PPP1R16A: variants seen among roughly 807,000 people sequenced by gnomAD.
The protein encoded by PPP1R16A is myosin phosphatase-targeting subunit 3.
Under a neutral mutation model 46.6 loss-of-function variants are expected in PPP1R16A, and 39 were observed. The ratio of observed to expected loss-of-function variants is 0.84; its 90% confidence interval spans 0.65 to 1.09. PPP1R16A has a LOEUF of 1.09. Ranked by LOEUF, PPP1R16A falls within the 50% of genes least tolerant of loss-of-function variation. The pLI, the probability that PPP1R16A is intolerant of heterozygous loss-of-function variation, is 0.00. For synonymous variants in PPP1R16A, 413 were observed against 321.5 expected (o/e 1.28, Z -3.04); for missense variants, 798 against 735.6 (o/e 1.08, Z -0.98).
At chr8:144,494,497 A>G (rs1004225185) in intron 2 of PPP1R16A, among the ~76,000 whole-genome samples, 2 of 149,932 alleles carry the variant, frequency 1.3e-5, no homozygotes, top group Admixed American at 6.6e-5. Flanking sequence ...CTGTAGAGAC[A>G]GGGTCTTACC....
intron 1 of PPP1R16A, among the ~76,000 whole-genome samples, chr8:144,489,070 GGC>G (rs748315275): frequency 6.6e-6 from 1 of 150,706 alleles, no homozygotes; most frequent in East Asian, 2.0e-4. Context: ...CGGGTGTTGT[GGC>G]ACACACCTAT....
At chr8:144,499,537 A>C in intron 5 of PPP1R16A, 1 of 186,386 alleles carries the variant, frequency 5.4e-6, no homozygotes, top group Admixed American at 5.5e-5. Context: ...AGTGGGAGAG[A>C]GGTCAGGGCT....
At chr8:144,479,620 G>A (rs1217901738) in intron 1 of PPP1R16A, among the ~76,000 whole-genome samples, 1 of 152,162 alleles carries the variant, frequency 6.6e-6, no homozygotes, top group East Asian at 1.9e-4. Flanking sequence ...ATGAACAGCC[G>A]ATTGATACAG....
At chr8:144,494,653 G>T (rs1243005817) in intron 2 of PPP1R16A, among the ~76,000 whole-genome samples, 2 of 152,164 alleles carry the variant, frequency 1.3e-5, no homozygotes. Flanking sequence ...GGATGGGCAA[G>T]GGCAGCCTGC....
chr8:144,492,285 G>A (rs908370939), intron 2 of PPP1R16A, among the ~76,000 whole-genome samples: 1 of 152,164 alleles, frequency 6.6e-6, no homozygotes, highest in African/African-American at 2.4e-5. Context: ...ACCTGCTCTG[G>A]GGGTTTTAGT....
intron 1 of PPP1R16A, among the ~76,000 whole-genome samples, chr8:144,479,752 A>G (rs1257144041): frequency 6.6e-6 from 1 of 152,060 alleles, no homozygotes; most frequent in Non-Finnish European, 1.5e-5. Context: ...TGCCACATCT[A>G]TCCATTGGCC....
In PPP1R16A at chr8:144,497,141, C is replaced by CCAAG. The variant is rs1457132833; in HGVS notation, c.-52_-49dup. 1.2e-5 allele frequency: 18 copies of CCAAG among 1,537,168 alleles called. No individual in the cohort carries two copies. In the East Asian group the frequency reaches 4.2e-4, roughly 36 times the overall value. On this transcript the variant is annotated 5_prime_UTR_variant, in exon 3 of 12. Transcript: ENST00000435887. ...CCACCCCTCAGGCCCAGCCTGGCCC[C>CCAAG]CAAGCTCCCCACTCTGGTGCCCCGA...
At position 144,500,167 on chromosome 8, in the gene PPP1R16A, T is replaced by C; in HGVS notation, c.548T>C (p.Leu183Pro). Residue 183 changes from leucine (L) to proline (P), a missense_variant, in exon 6 of 12, where the codon CTG becomes CCG. Transcript: ENST00000435887. ...PYDLCDDEQT[L>P]DCLETAMADR... ...GACCTGTGTGATGATGAGCAGACGC[T>C]GGACTGCCTGGAGACTGCCATGGCC... is the stretch of plus-strand genomic sequence containing the variant. The C allele has an allele frequency of 6.2e-7, 1 of 1,611,532 alleles. No homozygotes were observed. The highest frequency in any genetic ancestry group is 8.5e-7 in the Non-Finnish European group (1 of 1,179,048).
At chr8:144,487,481 C>T (rs1825662356) in intron 1 of PPP1R16A, among the ~76,000 whole-genome samples, 1 of 152,106 alleles carries the variant, frequency 6.6e-6, no homozygotes, top group African/African-American at 2.4e-5. Flanking sequence ...GTGATCTTCC[C>T]ACCTCAGCCT....
rs1371740804 is a variant in PPP1R16A, at chr8:144,501,590, C to T, written c.1274C>T (p.Ser425Phe). Residue 425 changes from serine (S) to phenylalanine (F), a missense_variant, in exon 12 of 12, where the codon TCC becomes TTC. Transcript: ENST00000435887. ...GGCTCCCCAGTGCGGCATCTATACT[C>T]CAAGCGACTAGACCGGAGTGTCTCC... ...VGGSPVRHLY[S>F]KRLDRSVSYQ... 1.2e-6 allele frequency: 2 copies of T among 1,605,494 alleles called. No individual in the cohort carries two copies. The highest frequency in any genetic ancestry group is 1.7e-6 in the Non-Finnish European group (2 of 1,176,708).
rs2130080725 is a variant in PPP1R16A, at chr8:144,478,100, T to C, written c.-941T>C. 1 of 395,264 alleles carries C rather than the reference T, an allele frequency of 2.5e-6. No individual in the cohort carries two copies. The highest frequency in any genetic ancestry group is 4.5e-6 in the Non-Finnish European group (1 of 223,934). 24.5% of individuals were successfully genotyped at this position (395,264 alleles called of 1,614,324 possible). A position where few individuals can be genotyped will look rare whatever the true frequency, so the allele number is the denominator to read the frequency against. ...GACCCGCGGAAGCCAGCGGACCCAC[T>C]TGTGCGGCGGTCGGCGCGGGGCGCG... On this transcript the variant is annotated 5_prime_UTR_variant, in exon 1 of 12. Transcript: ENST00000435887.
At position 144,501,787 on chromosome 8, in the gene PPP1R16A, G is replaced by T; in HGVS notation, c.1471G>T (p.Val491Leu). The change falls in exon 12 of 12, where the codon GTG (valine) becomes TTG (leucine). Residue 491 changes from valine (V) to leucine (L), a missense_variant. By Grantham distance (32) the Val-to-Leu change is conservative. Coordinates refer to ENST00000435887, the MANE Select transcript of PPP1R16A (RefSeq NM_001329443.2). ...TGAGCCTGGCCTGCCTGGTGACACG[G>T]TGACCCCCCAGCCTGACTGTGGCTT... ...TAEPGLPGDT[V>L]TPQPDCGFRA... 7 of 1,560,242 alleles carry T rather than the reference G, an allele frequency of 4.5e-6. No homozygotes were observed. Among genetic ancestry groups the T allele is most frequent in the Non-Finnish European group, 5.2e-6 (6 of 1,153,220 alleles).
At position 144,497,185 on chromosome 8, in the gene PPP1R16A, A is replaced by AGCC; in HGVS notation, c.-3_-1dup. On this transcript the variant is annotated 5_prime_UTR_variant, in exon 3 of 12. Coordinates refer to ENST00000435887, the MANE Select transcript of PPP1R16A (RefSeq NM_001329443.2). ...GCCCCGAGCAGCCCTGTGGGCAAGC[A>AGCC]GCCGCCGCCATGGCCGAGCACCTGG... The AGCC allele has an allele frequency of 6.4e-7, 1 of 1,551,616 alleles. No homozygotes were observed. The highest frequency in any genetic ancestry group is 8.7e-7 in the Non-Finnish European group (1 of 1,150,664).
At chr8:144,492,419 T>A (rs964264083) in intron 2 of PPP1R16A, among the ~76,000 whole-genome samples, 3 of 149,406 alleles carry the variant, frequency 2.0e-5, no homozygotes, top group Non-Finnish European at 4.4e-5. Context: ...CAGTGCAAGC[T>A]CCGCCTCCTG....
chr8:144,498,917 G>A lies in PPP1R16A; in HGVS notation c.332G>A (p.Cys111Tyr). Residue 111 changes from cysteine to tyrosine, a missense_variant and splice_region_variant, in exon 5 of 12, where the codon TGC (cysteine) becomes TAC (tyrosine). Cys to Tyr is a radical substitution (Grantham distance 194, BLOSUM62 -2). Coordinates refer to ENST00000435887, the MANE Select transcript of PPP1R16A (RefSeq NM_001329443.2). ...TCGCTCACGTGGCACGGTTTGCAGT[G>A]CTGCATTGATGATTTCCGAGAGATG... The part of the protein sequence containing the change: ...NEDGLTALHQ[C>Y]CIDDFREMVQ... The A allele has an allele frequency of 6.2e-7, 1 of 1,612,872 alleles. No homozygotes were observed. Among genetic ancestry groups the A allele is most frequent in the South Asian group, 1.1e-5 (1 of 91,090 alleles).
chr8:144,499,878 C>T (rs1826320897), intron 5 of PPP1R16A: 9 of 557,452 alleles, frequency 1.6e-5, no homozygotes, highest in Non-Finnish European at 2.9e-5. Context: ...AACCTGGATC[C>T]CTGGATGGAT....
chr8:144,479,304 C>G (rs541939607), intron 1 of PPP1R16A: 6 of 152,452 alleles, frequency 3.9e-5, no homozygotes, highest in Admixed American at 3.3e-4. Flanking sequence ...GTGGTGGACG[C>G]TCAGAGCTCT....
intron 1 of PPP1R16A, among the ~76,000 whole-genome samples, chr8:144,480,759 C>G (rs950697782): frequency 6.6e-6 from 1 of 152,210 alleles, no homozygotes; most frequent in Non-Finnish European, 1.5e-5. Context: ...GCGGGGATTA[C>G]AGGCGTGAGC....
chr8:144,483,767 T>G (rs1187744959), intron 1 of PPP1R16A, among the ~76,000 whole-genome samples: 1 of 152,122 alleles, frequency 6.6e-6, no homozygotes, highest in Non-Finnish European at 1.5e-5. Context: ...GTGGTGTGAT[T>G]AGAGATCACT....
Sources: gnomAD v4.1 joint callset for allele counts (sites outside exome capture counted in the v4.1 genomes callset) on GRCh38, gnomAD v4.1.1 for gene constraint, MANE v1.5 for transcripts, NCBI Gene and HGNC (gene_info 2026-07-23, HGNC 2026-07-21) for gene names.